The following ZNF407 variants were observed in gnomAD, a reference collection of about 807,000 sequenced individuals.
ZNF407 encodes the protein zinc finger protein 407.
ZNF407 carries 17 observed loss-of-function variants against 131.2 expected under a neutral mutation model. The ratio of observed to expected loss-of-function variants is 0.13; its 90% CI spans 0.09 to 0.19. The LOEUF (loss-of-function observed/expected upper bound fraction) is 0.19, where lower values mean the gene tolerates loss of function less well. Ranked by LOEUF, ZNF407 falls within the 10% of genes least tolerant of loss-of-function variation. The probability of loss-of-function intolerance (pLI) is 1.00; values close to 1 mark genes in which losing one functional copy is unlikely to be tolerated. For missense variants in ZNF407, 2,681 were observed against 2,830.6 expected (o/e 0.95, Z 1.20); for synonymous variants, 1,156 against 1,062.0 (o/e 1.09, Z -1.72).
At chr18:74,713,512 C>T (rs1028899769) in intron 3 of ZNF407, among the ~76,000 whole-genome samples, 4 of 151,784 alleles carry the variant, frequency 2.6e-5, no homozygotes, top group South Asian at 2.1e-4. Context: ...CTTAGATATC[C>T]TCCTTCAGGA....
chr18:74,940,686 T>G (rs1318943627), intron 8 of ZNF407, among the ~76,000 whole-genome samples: 5 of 152,180 alleles, frequency 3.3e-5, no homozygotes, highest in African/African-American at 1.2e-4. Flanking sequence ...TTAAAAACAC[T>G]GAAGTCATAA....
At chr18:74,923,051 G>A (rs1457230135) in intron 8 of ZNF407, among the ~76,000 whole-genome samples, 3 of 152,110 alleles carry the variant, frequency 2.0e-5, no homozygotes, top group Non-Finnish European at 2.9e-5. Context: ...TGCACAGTTT[G>A]TTTTTCCCTC....
intron 8 of ZNF407, among the ~76,000 whole-genome samples, chr18:75,015,894 T>A (rs954428703): frequency 6.6e-6 from 1 of 152,028 alleles, no homozygotes; most frequent in Non-Finnish European, 1.5e-5. Context: ...CAGAGAGAGA[T>A]ATAAATGCAA....
In ZNF407 at chr18:74,635,863, A is replaced by C. The variant is rs1416965987; in HGVS notation, c.4687+157A>C. Among the ~76,000 whole-genome samples, 1 of 152,100 alleles carries C rather than the reference A, an allele frequency of 6.6e-6. No homozygotes were observed. The highest frequency in any genetic ancestry group is 1.5e-5 in the Non-Finnish European group (1 of 68,032). Reference sequence around the variant, plus strand: ...GCTTGTCTGCAATAAGTCATTGTTGACACTTAACATTTTTAAGGGTAATTA... The same window carrying C: ...GCTTGTCTGCAATAAGTCATTGTTGCCACTTAACATTTTTAAGGGTAATTA... On this transcript the variant is annotated intron_variant, in intron 2 of 8. Coordinates refer to ENST00000299687, the MANE Select transcript of ZNF407 (RefSeq NM_017757.3). This position sits in a 1 kb window ranked among gnomAD's most constrained non-coding sequence, Gnocchi z 4.7.
chr18:74,850,429 T>G (rs1448151345), intron 4 of ZNF407, among the ~76,000 whole-genome samples: 2 of 152,194 alleles, frequency 1.3e-5, no homozygotes, highest in Admixed American at 6.5e-5. Context: ...CTTCTCTGTC[T>G]GTTCTATCCA....
intron 1 of ZNF407, among the ~76,000 whole-genome samples, chr18:74,612,119 A>AG (rs1983085980): frequency 1.3e-5 from 2 of 152,224 alleles, no homozygotes; most frequent in African/African-American, 2.4e-5. Context: ...CATAATCTCA[A>AG]GGGGGAAAAA....
intron 4 of ZNF407, among the ~76,000 whole-genome samples, chr18:74,802,322 A>T (rs973840127): frequency 2.0e-5 from 3 of 152,224 alleles, no homozygotes; most frequent in Non-Finnish European, 4.4e-5. Context: ...GTTAATAGGC[A>T]TAGTACATTT....
chr18:74,826,436 G>A (rs957060843), intron 4 of ZNF407, among the ~76,000 whole-genome samples: 3 of 152,180 alleles, frequency 2.0e-5, no homozygotes, highest in Non-Finnish European at 4.4e-5. Flanking sequence ...CTCAAGAGCC[G>A]TGTGTGTGGT....
At chr18:74,916,552 A>AGTGT (rs372779801) in intron 7 of ZNF407, among the ~76,000 whole-genome samples, 3 of 57,330 alleles carry the variant, frequency 5.2e-5, no homozygotes, top group Admixed American at 2.0e-4. Context: ...TCGAATCGGG[A>AGTGT]GTGTGTGTGT....
At chr18:74,733,122 T>A (rs565021255) in intron 3 of ZNF407, among the ~76,000 whole-genome samples, 1 of 152,190 alleles carries the variant, frequency 6.6e-6, no homozygotes, top group South Asian at 2.1e-4. Context: ...CTCTTTGGCT[T>A]TTTTTTCAAG....
intron 8 of ZNF407, among the ~76,000 whole-genome samples, chr18:74,992,936 C>A (rs1471148003): frequency 1.3e-5 from 2 of 152,168 alleles, no homozygotes; most frequent in African/African-American, 4.8e-5. Context: ...TGCCACTGCA[C>A]ACCCACTAAG....
intron 3 of ZNF407, among the ~76,000 whole-genome samples, chr18:74,701,602 A>G (rs2144822710): frequency 6.6e-6 from 1 of 152,230 alleles, no homozygotes; most frequent in African/African-American, 2.4e-5. Flanking sequence ...CCCAACTACC[A>G]TGGAAGGTAA....
intron 4 of ZNF407, among the ~76,000 whole-genome samples, chr18:74,810,749 G>A (rs1970182063): frequency 6.6e-6 from 1 of 152,116 alleles, no homozygotes; most frequent in East Asian, 1.9e-4. Context: ...AAGCAATGGG[G>A]AAAGGATTCC....
At chr18:74,925,030 T>C (rs1028082721) in intron 8 of ZNF407, among the ~76,000 whole-genome samples, 4 of 152,206 alleles carry the variant, frequency 2.6e-5, no homozygotes, top group African/African-American at 9.6e-5. Context: ...GTAAGTGTTG[T>C]TGTCTTTTCC....
chr18:74,698,217 A>G (rs1052758868), intron 3 of ZNF407, among the ~76,000 whole-genome samples: 6 of 152,356 alleles, frequency 3.9e-5, no homozygotes, highest in Admixed American at 2.6e-4. Context: ...ACAAATGAAT[A>G]TTAACTAAAA....
At chr18:74,981,098 T>C (rs1037250960) in intron 8 of ZNF407, among the ~76,000 whole-genome samples, 1 of 152,202 alleles carries the variant, frequency 6.6e-6, no homozygotes, top group Non-Finnish European at 1.5e-5. Context: ...GTGTTACTAA[T>C]GCCGGGAAGC....
intron 7 of ZNF407, 124 bp downstream of exon 7, chr18:74,890,162 T>A: frequency 9.1e-7 from 1 of 1,101,354 alleles, no homozygotes; most frequent in Non-Finnish European, 1.2e-6. Flanking sequence ...GGTTGGGAGC[T>A]AATTACCTAA....
At chr18:74,804,074 T>C (rs1019760167) in intron 4 of ZNF407, 17 of 1,551,226 alleles carry the variant, frequency 1.1e-5, no homozygotes, top group Middle Eastern at 1.7e-4. Flanking sequence ...TCATAACTGA[T>C]GGGACCTGCA....
chr18:74,867,340 A>G (rs1226374067), intron 4 of ZNF407, among the ~76,000 whole-genome samples: 1 of 152,234 alleles, frequency 6.6e-6, no homozygotes. Flanking sequence ...GCAAGAAACT[A>G]TGACTTTCTT....
Sources: allele counts gnomAD v4.1 joint callset (sites outside exome capture counted in the v4.1 genomes callset), GRCh38; gene constraint gnomAD v4.1.1; non-coding constraint Gnocchi (gnomAD v3.1); transcripts MANE v1.5; gene names NCBI Gene and HGNC (gene_info 2026-07-23, HGNC 2026-07-21).